The following AFDN variants were observed in gnomAD, a reference collection of about 807,000 sequenced individuals.
AFDN encodes afadin, adherens junction formation factor, also known as afadin.
In AFDN, 68 loss-of-function variants were observed where a neutral mutation model predicts 216.6. The ratio of observed to expected loss-of-function variants is 0.31; its 90% CI spans 0.26 to 0.38. The LOEUF (loss-of-function observed/expected upper bound fraction) is 0.38, where lower values mean the gene tolerates loss of function less well. AFDN is among the 10% of genes least tolerant of loss of function. The pLI, the probability that AFDN is intolerant of heterozygous loss-of-function variation, is 1.00. For synonymous variants in AFDN, 868 were observed against 853.7 expected (o/e 1.02, Z -0.29); for missense variants, 2,136 against 2,342.0 (o/e 0.91, Z 1.82).
intron 1 of AFDN, among the ~76,000 whole-genome samples, chr6:167,843,729 A>T (rs1037866755): frequency 6.6e-6 from 1 of 152,238 alleles, no homozygotes; most frequent in Non-Finnish European, 1.5e-5. Flanking sequence ...TATTAAATAT[A>T]AGTAGCTCAT....
intron 31 of AFDN, chr6:167,963,901 T>G: frequency 9.4e-7 from 1 of 1,064,604 alleles, no homozygotes; most frequent in Non-Finnish European, 1.1e-6. Context: ...CCCTGGCTGC[T>G]TGGAGGGCTG....
intron 20 of AFDN, among the ~76,000 whole-genome samples, chr6:167,917,971 T>C (rs1305519072): frequency 6.6e-6 from 1 of 152,244 alleles, no homozygotes; most frequent in African/African-American, 2.4e-5. Context: ...TATGCTTCTA[T>C]CTGTGTACAC....
intron 19 of AFDN, 124 bp downstream of exon 19, chr6:167,915,557 C>T: frequency 3.5e-6 from 4 of 1,155,262 alleles, no homozygotes. Context: ...TTCGTATGTA[C>T]AAATAATGAA....
At chr6:167,873,362 G>C (rs9346628) in intron 4 of AFDN, among the ~76,000 whole-genome samples, 45,999 of 152,020 alleles carry the variant, frequency 0.3, 8,007 homozygotes, top group East Asian at 0.6. Context: ...TTTCCACTAA[G>C]ATGTTTATAT....
At chr6:167,950,045 G>A (rs1432013345) in intron 29 of AFDN, among the ~76,000 whole-genome samples, 3 of 152,126 alleles carry the variant, frequency 2.0e-5, no homozygotes, top group African/African-American at 7.2e-5. Context: ...AGCGGCGGTA[G>A]GCACAGTCTC....
intron 2 of AFDN, chr6:167,864,952 G>C: frequency 1.3e-6 from 1 of 741,146 alleles, no homozygotes; most frequent in Non-Finnish European, 2.5e-6. Context: ...ATATCTGTTG[G>C]AAGTTAGAAT....
intron 1 of AFDN, among the ~76,000 whole-genome samples, chr6:167,839,033 T>A (rs1427324340): frequency 1.3e-5 from 2 of 152,224 alleles, no homozygotes; most frequent in African/African-American, 4.8e-5. Context: ...GCATAAAATA[T>A]AATTTAACTT....
chr6:167,863,925 G>T, intron 1 of AFDN: 1 of 369,908 alleles, frequency 2.7e-6, no homozygotes, highest in South Asian at 2.2e-5. Flanking sequence ...TGAAAATAAT[G>T]GCAAAACCCA....
intron 30 of AFDN, among the ~76,000 whole-genome samples, chr6:167,957,937 G>C (rs913313439): frequency 2.6e-5 from 4 of 152,196 alleles, no homozygotes; most frequent in African/African-American, 9.6e-5. Flanking sequence ...GCATGGAAGA[G>C]ATTGACCCAG....
At position 167,948,375 on chromosome 6, in the gene AFDN, C is replaced by G. The variant is rs768816432; in HGVS notation, c.3728C>G (p.Ser1243Cys). ...AGAGAGTATTTTACCTTCCCAGCTT[C>G]CAAATCCCAGGATCGGATGGCTCCT... Reference protein sequence around the residue: ...YTREYFTFPASKSQDRMAPPQ... With the variant: ...YTREYFTFPACKSQDRMAPPQ... Residue 1243 changes from serine to cysteine, a missense_variant, in exon 29 of 34, where the codon TCC (serine) becomes TGC (cysteine). Physicochemically the swap from Ser to Cys is moderately radical, Grantham distance 112 (BLOSUM62 -1). Coordinates refer to ENST00000683244, the MANE Select transcript of AFDN (RefSeq NM_001386888.1). 1.2e-6 allele frequency: 2 copies of G among 1,614,148 alleles called. No homozygotes were observed. The highest frequency in any genetic ancestry group is 3.3e-5 in the Admixed American group (2 of 60,036).
chr6:167,956,101 C>CTCT (rs1379410104), intron 30 of AFDN, among the ~76,000 whole-genome samples: 2 of 104,430 alleles, frequency 1.9e-5, no homozygotes, highest in Non-Finnish European at 3.5e-5. Flanking sequence ...GGGAACAGAG[C>CTCT]GAGACTTTGG....
chr6:167,964,988 T>G, intron 31 of AFDN: 1 of 1,051,510 alleles, frequency 9.5e-7, no homozygotes, highest in South Asian at 4.6e-5. Flanking sequence ...GAAAAAAATG[T>G]ACAGTATGTG....
intron 23 of AFDN, among the ~76,000 whole-genome samples, chr6:167,932,233 T>G (rs1562696928): frequency 6.6e-6 from 1 of 152,212 alleles, no homozygotes; most frequent in Non-Finnish European, 1.5e-5. Context: ...TAAATTGGTG[T>G]ATGGGGTAGC....
At chr6:167,864,098 C>T (rs1174078252) in intron 1 of AFDN, among the ~76,000 whole-genome samples, 5 of 152,134 alleles carry the variant, frequency 3.3e-5, no homozygotes, top group East Asian at 1.9e-4. Context: ...AGTACAGGCA[C>T]GGACTTTGGA....
intron 23 of AFDN, among the ~76,000 whole-genome samples, chr6:167,942,584 A>G (rs1189076762): frequency 6.6e-6 from 1 of 152,208 alleles, no homozygotes; most frequent in East Asian, 1.9e-4. Flanking sequence ...TTATTCTTTC[A>G]TAATATATCA....
intron 1 of AFDN, among the ~76,000 whole-genome samples, chr6:167,856,545 T>C (rs1050061339): frequency 1.3e-5 from 2 of 152,148 alleles, no homozygotes; most frequent in African/African-American, 4.8e-5. Context: ...AGTATTTGGC[T>C]AGAAATTGGG....
intron 6 of AFDN, among the ~76,000 whole-genome samples, chr6:167,888,222 A>G (rs1350507436): frequency 1.3e-5 from 2 of 152,202 alleles, no homozygotes; most frequent in South Asian, 2.1e-4. Flanking sequence ...AATTTATGAT[A>G]AGGTGTGTTA....
At chr6:167,895,251 G>T (rs1788096888) in intron 9 of AFDN, among the ~76,000 whole-genome samples, 1 of 151,954 alleles carries the variant, frequency 6.6e-6, no homozygotes, top group African/African-American at 2.4e-5. Flanking sequence ...GTAGATAAGG[G>T]GGACACATTT....
chr6:167,936,537 A>G (rs1352446563), intron 23 of AFDN, among the ~76,000 whole-genome samples: 2 of 152,188 alleles, frequency 1.3e-5, no homozygotes, highest in East Asian at 1.9e-4. Flanking sequence ...AAGTGGTTTA[A>G]TATTTCTGAA....
Sources: allele counts gnomAD v4.1 joint callset (sites outside exome capture counted in the v4.1 genomes callset), GRCh38; gene constraint gnomAD v4.1.1; transcripts MANE v1.5; gene names NCBI Gene and HGNC (gene_info 2026-07-23, HGNC 2026-07-21).